ST18: variants seen among roughly 807,000 people sequenced by gnomAD.
The protein encoded by ST18 is suppression of tumorigenicity 18 protein.
A neutral mutation model predicts 110.0 loss-of-function variants in ST18; 50 were observed. That is an observed-to-expected ratio of 0.45 (90% CI 0.36 to 0.58). The LOEUF is 0.58. ST18 is among the 20% of genes least tolerant of loss of function. The pLI, the probability that ST18 is intolerant of heterozygous loss-of-function variation, is 0.00. For synonymous variants in ST18, 461 were observed against 452.4 expected, an observed-to-expected ratio of 1.02 and a Z score of -0.24; for missense variants, 1,306 against 1,280.1, an observed-to-expected ratio of 1.02 and a Z score of -0.31.
intron 2 of ST18, among the ~76,000 whole-genome samples, chr8:52,365,491 A>C (rs1393134096): frequency 6.6e-6 from 1 of 152,094 alleles, no homozygotes; most frequent in Non-Finnish European, 1.5e-5. Flanking sequence ...GGTGTTCCTG[A>C]AAAAAAGACT....
At chr8:52,276,269 C>T (rs990109373) in intron 2 of ST18, among the ~76,000 whole-genome samples, 4 of 141,244 alleles carry the variant, frequency 2.8e-5, no homozygotes, top group South Asian at 2.3e-4. Flanking sequence ...CCACACACCA[C>T]GTACCACATA....
chr8:52,340,004 A>G (rs1406425105), intron 2 of ST18, among the ~76,000 whole-genome samples: 1 of 152,260 alleles, frequency 6.6e-6, no homozygotes, highest in African/African-American at 2.4e-5. Context: ...ATTTTGCTGT[A>G]AAGTGTTAAA....
At chr8:52,185,561 G>A (rs1005782443) in intron 8 of ST18, among the ~76,000 whole-genome samples, 2 of 152,080 alleles carry the variant, frequency 1.3e-5, no homozygotes, top group Admixed American at 6.6e-5. Context: ...GGTATTATTG[G>A]TGCAAATATT....
chr8:52,386,606 A>C (rs940711715), intron 2 of ST18, among the ~76,000 whole-genome samples: 11 of 152,196 alleles, frequency 7.2e-5, no homozygotes, highest in African/African-American at 2.4e-4. Context: ...ACGCAACCCA[A>C]GCCATCTCTT....
At chr8:52,165,273 C>T in intron 11 of ST18, 48 bp from the exon 12 acceptor site, 2 of 1,577,088 alleles carry the variant, frequency 1.3e-6, no homozygotes, top group South Asian at 1.1e-5. Context: ...ACCATAAATA[C>T]AAAGCACACT....
At chr8:52,324,072 T>A (rs1805183761) in intron 2 of ST18, among the ~76,000 whole-genome samples, 1 of 152,152 alleles carries the variant, frequency 6.6e-6, no homozygotes, top group Admixed American at 6.5e-5. Flanking sequence ...GGCGAGAGAA[T>A]GTTCCCCAGA....
chr8:52,124,679 A>G (rs926007342), intron 23 of ST18, among the ~76,000 whole-genome samples: 3 of 152,196 alleles, frequency 2.0e-5, no homozygotes, highest in Non-Finnish European at 2.9e-5. Flanking sequence ...TTTACTGAGC[A>G]TGTGAATGCT....
chr8:52,116,881 A>G (rs1183231687), intron 24 of ST18, among the ~76,000 whole-genome samples: 2 of 151,748 alleles, frequency 1.3e-5, no homozygotes, highest in Non-Finnish European at 2.9e-5. Context: ...GGGCCCAGCC[A>G]CCAGTGTGAC....
chr8:52,222,776 T>G (rs936139732), intron 3 of ST18, among the ~76,000 whole-genome samples: 4 of 152,212 alleles, frequency 2.6e-5, no homozygotes, highest in African/African-American at 9.7e-5. Context: ...ACTGCCATAC[T>G]TTTTTGAGTT....
At chr8:52,189,538 C>A (rs939154963) in intron 8 of ST18, among the ~76,000 whole-genome samples, 1 of 152,186 alleles carries the variant, frequency 6.6e-6, no homozygotes, top group East Asian at 1.9e-4. Flanking sequence ...GGGCCTGAAG[C>A]AGTTCTTAAA....
At chr8:52,214,065 G>T in intron 7 of ST18, 138 bp downstream of exon 7, 1 of 872,626 alleles carries the variant, frequency 1.1e-6, no homozygotes, top group Non-Finnish European at 1.8e-6. Flanking sequence ...CCAAGAGCCA[G>T]TGTCCTGGCT....
chr8:52,342,247 T>G (rs1815398811), intron 2 of ST18, among the ~76,000 whole-genome samples: 1 of 152,146 alleles, frequency 6.6e-6, no homozygotes, highest in Admixed American at 6.5e-5. Flanking sequence ...AAAAATACGT[T>G]GTATTCAGAG....
intron 2 of ST18, among the ~76,000 whole-genome samples, chr8:52,288,906 G>A (rs1462248365): frequency 6.6e-6 from 1 of 151,982 alleles, no homozygotes; most frequent in Non-Finnish European, 1.5e-5. Context: ...GGCAGTGTGG[G>A]CTTTGCTGAC....
At chr8:52,141,883 G>A (rs915961469) in intron 17 of ST18, among the ~76,000 whole-genome samples, 4 of 152,210 alleles carry the variant, frequency 2.6e-5, no homozygotes, top group African/African-American at 9.7e-5. Flanking sequence ...TCCACAGCAG[G>A]AGTAAGTGCA....
intron 2 of ST18, among the ~76,000 whole-genome samples, chr8:52,331,992 A>G (rs1365394020): frequency 6.6e-6 from 1 of 152,174 alleles, no homozygotes; most frequent in East Asian, 1.9e-4. Flanking sequence ...GTGAAAAAGT[A>G]TATGTAAATA....
chr8:52,384,664 T>A (rs916168651), intron 2 of ST18, among the ~76,000 whole-genome samples: 1 of 152,140 alleles, frequency 6.6e-6, no homozygotes, highest in Non-Finnish European at 1.5e-5. Context: ...CTGTCCAAAA[T>A]CTTCAATGGC....
intron 2 of ST18, among the ~76,000 whole-genome samples, chr8:52,377,396 A>G (rs865893163): frequency 1.3e-5 from 2 of 152,186 alleles, no homozygotes; most frequent in East Asian, 1.9e-4. Flanking sequence ...ATAAGTTGAC[A>G]TGGGCCAAAT....
chr8:52,184,900 A>G (rs1320261359), intron 8 of ST18, among the ~76,000 whole-genome samples: 1 of 152,192 alleles, frequency 6.6e-6, no homozygotes, highest in Non-Finnish European at 1.5e-5. Context: ...TTCTAATGAG[A>G]CAGAATACCA....
At chr8:52,165,112 G>C (rs375629081) in intron 12 of ST18, 23 bp downstream of exon 12, 1 of 1,608,524 alleles carries the variant, frequency 6.2e-7, no homozygotes, top group Non-Finnish European at 8.5e-7. Flanking sequence ...AATGCAAAAT[G>C]ATTATCATCT....
Sources: allele counts gnomAD v4.1 joint callset (sites outside exome capture counted in the v4.1 genomes callset), GRCh38; gene constraint gnomAD v4.1.1; transcripts MANE v1.5; gene names NCBI Gene and HGNC (gene_info 2026-07-23, HGNC 2026-07-21).